The following MCPH1 variants were observed in gnomAD, a reference collection of about 807,000 sequenced individuals.
The protein encoded by MCPH1 is microcephalin 1.
Under a neutral mutation model 84.5 loss-of-function variants are expected in MCPH1, and 104 were observed. That is an observed-to-expected ratio of 1.23 (90% CI 1.05 to 1.45). The LOEUF is 1.45. MCPH1 is among the 40% of genes most tolerant of loss of function. The pLI is 0.00. For synonymous variants in MCPH1, 514 were observed against 366.8 expected (o/e 1.40, Z -4.58); for missense variants, 1,498 against 1,005.7 (o/e 1.49, Z -6.62).
intron 11 of MCPH1, among the ~76,000 whole-genome samples, chr8:6,483,871 G>C (rs907300128): frequency 2.0e-5 from 3 of 151,900 alleles, no homozygotes; most frequent in Non-Finnish European, 2.9e-5. Flanking sequence ...GAAAAGAAAA[G>C]AAAAGGAGAG....
chr8:6,410,121 C>T (rs1339120453), intron 2 of MCPH1, among the ~76,000 whole-genome samples: 3 of 151,980 alleles, frequency 2.0e-5, no homozygotes, highest in Non-Finnish European at 1.5e-5. Context: ...AGGCACATGC[C>T]ACCATGCCTA....
chr8:6,613,331 G>A (rs955221990), intron 12 of MCPH1, among the ~76,000 whole-genome samples: 1 of 152,226 alleles, frequency 6.6e-6, no homozygotes, highest in Non-Finnish European at 1.5e-5. Context: ...TCAGGGGACT[G>A]GCACACCAGC....
At chr8:6,562,552 C>CCTTTTTTTTTCTTTTT (rs1825699064) in intron 12 of MCPH1, 1 of 71,748 alleles carries the variant, frequency 1.4e-5, no homozygotes, top group African/African-American at 6.3e-5. Flanking sequence ...CATCCTCCTT[C>CCTTTTTTTTTCTTTTT]TTTTTTTTTT....
At chr8:6,414,744 T>C in intron 2 of MCPH1, 21 bp from the exon 3 acceptor site, 2 of 1,612,408 alleles carry the variant, frequency 1.2e-6, no homozygotes, top group South Asian at 1.1e-5. Flanking sequence ...GTACATTTTG[T>C]TTTCTGCATT....
At chr8:6,457,498 A>C (rs1165247639) in intron 9 of MCPH1, among the ~76,000 whole-genome samples, 5 of 151,682 alleles carry the variant, frequency 3.3e-5, no homozygotes, top group Admixed American at 3.3e-4. Context: ...CCAGCTGCTC[A>C]AGAGACTGAG....
chr8:6,624,723 G>C (rs1428204947), intron 13 of MCPH1, among the ~76,000 whole-genome samples: 1 of 152,020 alleles, frequency 6.6e-6, no homozygotes, highest in East Asian at 1.9e-4. Context: ...CAATCTGGTA[G>C]CTGCCGCTAT....
intron 12 of MCPH1, among the ~76,000 whole-genome samples, chr8:6,541,914 G>A (rs1188695480): frequency 6.6e-6 from 1 of 151,860 alleles, no homozygotes. Flanking sequence ...AGGCTAAGGT[G>A]GGAGGATTGC....
rs1358707202 is a variant in MCPH1 at position 6,519,175 on chromosome 8, G to T, written c.2214+19246G>T. ...GACTGCGTTAGATGAGGTTAGAATC[G>T]CCTTCCCCAGCGGTTCTCATGGTGT... is the stretch of plus-strand genomic sequence containing the variant. On this transcript the variant is annotated intron_variant, in intron 12 of 13. Transcript: ENST00000344683. Among the ~76,000 whole-genome samples the T allele has an allele frequency of 2.0e-5, 3 of 152,288 alleles. No individual in the cohort carries two copies. The East Asian group carries it at 5.8e-4, about 29-fold the overall frequency.
intron 12 of MCPH1, among the ~76,000 whole-genome samples, chr8:6,567,390 C>T (rs957979443): frequency 3.8e-4 from 58 of 152,300 alleles, no homozygotes; most frequent in African/African-American, 1.3e-3. Context: ...ATAGTGCACA[C>T]GGTGCAGTGA....
At chr8:6,418,361 C>G (rs1363753223) in intron 3 of MCPH1, among the ~76,000 whole-genome samples, 1 of 152,094 alleles carries the variant, frequency 6.6e-6, no homozygotes, top group Non-Finnish European at 1.5e-5. Flanking sequence ...TTTTATTTCC[C>G]TCCAGCTTTC....
chr8:6,537,920 T>C (rs1475362451), intron 12 of MCPH1, among the ~76,000 whole-genome samples: 1 of 152,152 alleles, frequency 6.6e-6, no homozygotes. Context: ...CTTAGACCTT[T>C]TTACTAATTA....
rs1798225122 is a variant in MCPH1, at chr8:6,646,575, A to C, written c.*3526A>C. 1 of 152,246 alleles carries C rather than the reference A, an allele frequency of 6.6e-6. No individual in the cohort carries two copies. The highest frequency in any genetic ancestry group is 2.1e-4 in the South Asian group (1 of 4,822). The allele number at this position is 152,246 out of a possible 1,614,324, so 9.4% of individuals were successfully genotyped here. ...AGTACTTGGATCCTTACCTCACACC[A>C]TGCACAAAAATTAGCTCAACGTGGA... On this transcript the variant is annotated 3_prime_UTR_variant, in exon 14 of 14. Coordinates refer to ENST00000344683, the MANE Select transcript of MCPH1 (RefSeq NM_024596.5).
chr8:6,489,135 C>T (rs1039175387), intron 11 of MCPH1, among the ~76,000 whole-genome samples: 8 of 152,080 alleles, frequency 5.3e-5, no homozygotes, highest in Non-Finnish European at 1.2e-4. Context: ...GAGATTCCTA[C>T]TGGACATTCA....
chr8:6,427,786 T>TA (rs1190803989), intron 3 of MCPH1, among the ~76,000 whole-genome samples: 2 of 85,850 alleles, frequency 2.3e-5, no homozygotes, highest in Non-Finnish European at 4.6e-5. Flanking sequence ...CGTAAGTAGT[T>TA]ATTATACTGT....
intron 12 of MCPH1, among the ~76,000 whole-genome samples, chr8:6,558,896 A>G (rs1282966057): frequency 1.3e-5 from 2 of 152,124 alleles, no homozygotes; most frequent in African/African-American, 4.8e-5. Context: ...TACTATACAT[A>G]TACATATCGC....
intron 12 of MCPH1, among the ~76,000 whole-genome samples, chr8:6,584,461 GTTATT>G (rs1827817066): frequency 6.6e-6 from 1 of 152,106 alleles, no homozygotes; most frequent in African/African-American, 2.4e-5. Flanking sequence ...CAATTTTTTT[GTTATT>G]TTAATCTCTG....
chr8:6,568,008 A>G (rs1056324080), intron 12 of MCPH1, among the ~76,000 whole-genome samples: 1 of 152,206 alleles, frequency 6.6e-6, no homozygotes, highest in African/African-American at 2.4e-5. Context: ...TGTGTCGGCA[A>G]CTGACATTTC....
chr8:6,611,117 C>G (rs1830220077), intron 12 of MCPH1, among the ~76,000 whole-genome samples: 1 of 140,844 alleles, frequency 7.1e-6, no homozygotes, highest in Middle Eastern at 3.5e-3. Context: ...CACACACTCT[C>G]TCACACACAC....
intron 13 of MCPH1, among the ~76,000 whole-genome samples, chr8:6,641,168 A>AT (rs1338801276): frequency 6.6e-6 from 1 of 152,156 alleles, no homozygotes; most frequent in Non-Finnish European, 1.5e-5. Flanking sequence ...TTTGGATTAC[A>AT]TTGAATTTCT....
Sources: allele counts gnomAD v4.1 joint callset (sites outside exome capture counted in the v4.1 genomes callset), GRCh38; gene constraint gnomAD v4.1.1; transcripts MANE v1.5; gene names NCBI Gene and HGNC (gene_info 2026-07-23, HGNC 2026-07-21).